The following ZFHX3 variants were observed in gnomAD, a reference collection of about 807,000 sequenced individuals.
ZFHX3 encodes zinc finger homeobox 3.
In ZFHX3, 42 loss-of-function variants were observed where a neutral mutation model predicts 279.1. The ratio of observed to expected loss-of-function variants is 0.15; its 90% CI spans 0.12 to 0.19. The LOEUF (loss-of-function observed/expected upper bound fraction) is 0.19, where lower values mean the gene tolerates loss of function less well. Ranked by LOEUF, ZFHX3 falls within the 10% of genes least tolerant of loss-of-function variation. The pLI is 1.00. For synonymous variants in ZFHX3, 2,293 were observed against 1,957.8 expected (o/e 1.17, Z -4.52); for missense variants, 4,981 against 4,754.0 (o/e 1.05, Z -1.40).
intron 2 of ZFHX3, among the ~76,000 whole-genome samples, chr16:73,476,448 A>G (rs2018767294): frequency 6.6e-6 from 1 of 152,182 alleles, no homozygotes; most frequent in Non-Finnish European, 1.5e-5. Context: ...GCAAGCAGCA[A>G]AAAGATAAAA....
intron 2 of ZFHX3, among the ~76,000 whole-genome samples, chr16:73,585,028 C>A (rs765495671): frequency 5.3e-5 from 8 of 152,160 alleles, no homozygotes; most frequent in Non-Finnish European, 2.9e-5. Context: ...AAATGAAATA[C>A]CTTCTCACAC....
chr16:72,908,967 C>A (rs899387386), intron 3 of ZFHX3, among the ~76,000 whole-genome samples: 1 of 152,188 alleles, frequency 6.6e-6, no homozygotes, highest in South Asian at 2.1e-4. Flanking sequence ...ATAGAAACGG[C>A]GAAAGCTACT....
At chr16:72,964,118 C>T (rs952403677) in intron 1 of ZFHX3, among the ~76,000 whole-genome samples, 1 of 152,144 alleles carries the variant, frequency 6.6e-6, no homozygotes, top group African/African-American at 2.4e-5. Flanking sequence ...CAGTGAATAC[C>T]GCCTTCCTAC....
chr16:73,079,921 T>G (rs113748333), intron 8 of ZFHX3, among the ~76,000 whole-genome samples: 9 of 152,276 alleles, frequency 5.9e-5, no homozygotes, highest in African/African-American at 1.4e-4. Flanking sequence ...CTGGTCTTAG[T>G]GTCACCTTGT....
Position 72,788,089 on chromosome 16 carries a change from GGCTGCTGCTGCTGCACTTTTT to G in ZFHX3, c.10166_10186del (p.Gln3389_Gln3395del), listed in dbSNP as rs770391018. ...GGGGACTGGGGTTTGGCTTGCTTTG[GGCTGCTGCTGCTGCACTTTTT>G]GCTGCTGCTGCTGCTGTAGTTGCCG... is the stretch of plus-strand genomic sequence containing the variant. On this transcript the variant is annotated inframe_deletion, in exon 10 of 10. Transcript: ENST00000268489. 1,186 of 1,611,830 alleles carry G rather than the reference GGCTGCTGCTGCTGCACTTTTT, an allele frequency of 7.4e-4. 2 individuals carry two copies. The highest frequency in any genetic ancestry group is 8.4e-4 in the Non-Finnish European group (991 of 1,179,762).
In ZFHX3 at chr16:72,795,126, T is replaced by C. The variant is rs2035855070; in HGVS notation, c.7556A>G (p.Gln2519Arg). ...LKPLHTSTPQQLANLPPQLIP... is the reference protein window; with the variant it reads ...LKPLHTSTPQRLANLPPQLIP... Reference sequence around the variant, plus strand: ...TAGCTGAGGAGGTAGGTTTGCGAGCTGTTGAGGAGTTGATGTGTGGAGGGG... The same window carrying C: ...TAGCTGAGGAGGTAGGTTTGCGAGCCGTTGAGGAGTTGATGTGTGGAGGGG... The change falls in exon 9 of 10, where the codon CAG (glutamine) becomes CGG (arginine). Residue 2519 changes from glutamine (Q) to arginine (R), a missense_variant. Coordinates refer to ENST00000268489, the MANE Select transcript of ZFHX3 (RefSeq NM_006885.4). 3 of 1,613,248 alleles carry C rather than the reference T, an allele frequency of 1.9e-6. No homozygotes were observed. The highest frequency in any genetic ancestry group is 1.6e-4 in the Middle Eastern group (1 of 6,062).
At chr16:73,217,998 A>T (rs2012275376) in intron 5 of ZFHX3, among the ~76,000 whole-genome samples, 1 of 152,200 alleles carries the variant, frequency 6.6e-6, no homozygotes, top group African/African-American at 2.4e-5. Context: ...TCTAGAGTAT[A>T]GAAGCTCTGG....
At chr16:73,045,671 ATTATTAT>A (rs1374408376) in intron 1 of ZFHX3, among the ~76,000 whole-genome samples, 1 of 142,264 alleles carries the variant, frequency 7.0e-6, no homozygotes, top group Non-Finnish European at 1.5e-5. Context: ...TATTATTATT[ATTATTAT>A]TATTATTGAA....
intron 2 of ZFHX3, chr16:73,483,337 C>CAGAG: frequency 2.4e-6 from 1 of 412,144 alleles, no homozygotes; most frequent in Non-Finnish European, 4.7e-6. Context: ...GAGTGAGAGA[C>CAGAG]AGAGAGAGAG....
At chr16:73,088,287 A>G (rs1241652797) in intron 8 of ZFHX3, among the ~76,000 whole-genome samples, 1 of 151,392 alleles carries the variant, frequency 6.6e-6, no homozygotes, top group African/African-American at 2.4e-5. Flanking sequence ...CTGGGATCAC[A>G]GCTGTGTGCC....
At chr16:73,816,633 G>C (rs192821821) in intron 1 of ZFHX3, among the ~76,000 whole-genome samples, 7 of 152,284 alleles carry the variant, frequency 4.6e-5, no homozygotes, top group African/African-American at 9.6e-5. Context: ...AAGAGATGGG[G>C]GGGGAGAGAA....
At chr16:73,689,823 T>TTTG (rs67016213) in intron 1 of ZFHX3, among the ~76,000 whole-genome samples, 1 of 150,232 alleles carries the variant, frequency 6.7e-6, no homozygotes, top group Non-Finnish European at 1.5e-5. Context: ...TTTTGTTTTT[T>TTTG]TTGTTGTTGT....
chr16:73,660,562 T>C (rs1028820437), intron 2 of ZFHX3, among the ~76,000 whole-genome samples: 1 of 152,220 alleles, frequency 6.6e-6, no homozygotes, highest in Admixed American at 6.5e-5. Flanking sequence ...ATTAAAGATT[T>C]TTTTAAAAGG....
intron 7 of ZFHX3, chr16:73,099,352 G>C (rs1369664948): frequency 2.0e-5 from 3 of 152,092 alleles, no homozygotes; most frequent in Non-Finnish European, 2.9e-5. Context: ...TTTGTTGTCG[G>C]AGTTTTTTAT....
At chr16:73,613,342 G>GA (rs1483389939) in intron 2 of ZFHX3, among the ~76,000 whole-genome samples, 2 of 151,898 alleles carry the variant, frequency 1.3e-5, no homozygotes, top group Non-Finnish European at 2.9e-5. Flanking sequence ...GTTCGTAAAA[G>GA]AAATAAACAT....
At position 73,048,108 on chromosome 16, in the gene ZFHX3, C is replaced by A; in HGVS notation, c.-406G>T. On this transcript the variant is annotated 5_prime_UTR_variant, in exon 1 of 10. Transcript: ENST00000268489. Reference sequence around the variant, plus strand: ...CGCCTCCTCCTCTGCCGCCGCCCGCCCGGAATCGCTTTATGTAAATGAAGC... The same window carrying A: ...CGCCTCCTCCTCTGCCGCCGCCCGCACGGAATCGCTTTATGTAAATGAAGC... 1 of 152,856 alleles carries A rather than the reference C, an allele frequency of 6.5e-6. No individual in the cohort carries two copies. The highest frequency in any genetic ancestry group is 1.9e-4 in the South Asian group (1 of 5,188). The allele number at this position is 152,856 out of a possible 1,614,324, so 9.5% of individuals were successfully genotyped here.
intron 1 of ZFHX3, among the ~76,000 whole-genome samples, chr16:73,793,491 G>A (rs965255603): frequency 1.3e-5 from 2 of 152,316 alleles, no homozygotes; most frequent in East Asian, 3.9e-4. Flanking sequence ...TATCTCCAAC[G>A]AAAATATGCT....
intron 2 of ZFHX3, among the ~76,000 whole-genome samples, chr16:73,584,025 T>C (rs538737878): frequency 5.3e-5 from 8 of 152,164 alleles, no homozygotes; most frequent in African/African-American, 1.9e-4. Flanking sequence ...AATTCTAAAA[T>C]CTCAAAAAAC....
intron 1 of ZFHX3, among the ~76,000 whole-genome samples, chr16:73,772,958 C>A (rs1244192890): frequency 6.6e-6 from 1 of 152,200 alleles, no homozygotes; most frequent in Admixed American, 6.5e-5. Context: ...AACTCAGAAG[C>A]ATTTGTTTTT....
Sources: gnomAD v4.1 joint callset for allele counts (sites outside exome capture counted in the v4.1 genomes callset) on GRCh38, gnomAD v4.1.1 for gene constraint, MANE v1.5 for transcripts, NCBI Gene and HGNC (gene_info 2026-07-23, HGNC 2026-07-21) for gene names.